GREB1: variants seen among roughly 807,000 people sequenced by gnomAD.
GREB1 encodes the protein growth regulating estrogen receptor binding 1, also known as protein GREB1.
GREB1 carries 106 observed loss-of-function variants against 200.7 expected under a neutral mutation model. That is an observed-to-expected ratio of 0.53 (90% CI 0.45 to 0.62). The LOEUF is 0.62. Ranked by LOEUF, GREB1 falls within the 20% of genes least tolerant of loss-of-function variation. The probability of loss-of-function intolerance (pLI) is 0.00; values close to 1 mark genes in which losing one functional copy is unlikely to be tolerated. For missense variants in GREB1, 2,243 were observed against 2,556.8 expected (o/e 0.88, Z 2.65); for synonymous variants, 1,132 against 1,092.4 (o/e 1.04, Z -0.72).
chr2:11,614,787 T>G, intron 19 of GREB1, among the ~76,000 whole-genome samples: 1 of 152,124 alleles, frequency 6.6e-6, no homozygotes, highest in African/African-American at 2.4e-5. Context: ...ATGGTCTCGA[T>G]CTCCTGACCT....
At chr2:11,603,318 G>A (rs1292864217) in intron 17 of GREB1, among the ~76,000 whole-genome samples, 5 of 152,190 alleles carry the variant, frequency 3.3e-5, no homozygotes, top group South Asian at 2.1e-4. Flanking sequence ...GTTTCTACCC[G>A]CTTTTCTTAC....
intron 32 of GREB1, among the ~76,000 whole-genome samples, chr2:11,639,041 T>G (rs1419064968): frequency 6.6e-6 from 1 of 152,186 alleles, no homozygotes; most frequent in Non-Finnish European, 1.5e-5. Context: ...CATCCCCCTT[T>G]CTTTTAGATG....
Position 11,595,300 on chromosome 2 carries a change from G to A in GREB1, c.1746G>A (p.Glu582=), listed in dbSNP as rs760882945. 1 of 1,613,890 alleles carries A rather than the reference G, an allele frequency of 6.2e-7. No individual in the cohort carries two copies. The highest frequency in any genetic ancestry group is 8.5e-7 in the Non-Finnish European group (1 of 1,179,748). Residue 582 remains glutamate (E), a synonymous_variant, in exon 12 of 33, where the codon GAG becomes GAA. Transcript: ENST00000381486. ...CCGAGAGCCTTCTCACTCCTGCGGA[G>A]TACCAGAAGGAAGTCAATTACGAGC... ...ILSESLLTPA[E]YQKEVNYELV... is the part of the protein sequence containing the mutation.
chr2:11,574,212 G>A (rs751950416), intron 4 of GREB1, among the ~76,000 whole-genome samples: 27 of 152,194 alleles, frequency 1.8e-4, no homozygotes, highest in Admixed American at 9.8e-4. Context: ...TGCCTGCCAC[G>A]TGTTGGGTAT....
intron 4 of GREB1, among the ~76,000 whole-genome samples, chr2:11,572,726 T>C (rs1678439165): frequency 1.3e-5 from 2 of 151,568 alleles, no homozygotes; most frequent in African/African-American, 4.8e-5. Flanking sequence ...GCTTGCAGAG[T>C]GCCCCTGACA....
intron 26 of GREB1, among the ~76,000 whole-genome samples, chr2:11,631,144 T>C (rs920236692): frequency 6.6e-6 from 1 of 152,212 alleles, no homozygotes; most frequent in African/African-American, 2.4e-5. Context: ...GAGCTGGCCA[T>C]GAGCACCAGC....
chr2:11,543,049 T>C (rs1419205361), intron 1 of GREB1, among the ~76,000 whole-genome samples: 1 of 152,146 alleles, frequency 6.6e-6, no homozygotes, highest in Non-Finnish European at 1.5e-5. Flanking sequence ...TACTGTCTCT[T>C]TTTAGGGGTT....
chr2:11,630,224 A>T, intron 26 of GREB1, 115 bp downstream of exon 26: 2 of 991,534 alleles, frequency 2.0e-6, no homozygotes, highest in Non-Finnish European at 3.0e-6. Flanking sequence ...CAGGGACTGA[A>T]CTTGGAGGAG....
chr2:11,538,925 TCGTGTCC>T lies in GREB1; in HGVS notation c.-162+4673_-162+4679del, dbSNP rs1295420295. Among the ~76,000 whole-genome samples, 4 of 16,566 alleles carry T rather than the reference TCGTGTCC, an allele frequency of 2.4e-4. 1 individual carries two copies. Among genetic ancestry groups the T allele is most frequent in the African/African-American group, 9.3e-4 (4 of 4,314 alleles). 10.9% of individuals were successfully genotyped at this position (16,566 alleles called of 152,430 possible). ...TTCCTTCCTTCCCCCTCCCCTCCCC[TCGTGTCC>T]CCTCCCCTCCCCTCGTGTCCCCTCC... is the stretch of plus-strand genomic sequence containing the variant. On this transcript the variant is annotated intron_variant, in intron 1 of 32. Transcript: ENST00000381486.
In GREB1 at chr2:11,633,290, C is replaced by T. The variant is rs1169644090; in HGVS notation, c.4991+227C>T. On this transcript the variant is annotated intron_variant, in intron 28 of 32. Coordinates refer to ENST00000381486, the MANE Select transcript of GREB1 (RefSeq NM_014668.4). The surrounding 1 kb of genome is among the most constrained non-coding windows in gnomAD (Gnocchi z 4.1). ...TAAAAAATTGTTATTGGGCCGGGCG[C>T]GGTGGCTCATGCCTGTAATCCCAGC... Among the ~76,000 whole-genome samples the T allele has an allele frequency of 6.6e-6, 1 of 152,070 alleles. No homozygotes were observed. The highest frequency in any genetic ancestry group is 2.1e-4 in the South Asian group (1 of 4,820).
chr2:11,513,063 G>A (rs1673395260), intron 1 of GREB1, among the ~76,000 whole-genome samples: 1 of 152,194 alleles, frequency 6.6e-6, no homozygotes, highest in African/African-American at 2.4e-5. Context: ...TGGAGCTGAA[G>A]CGCAAAGCTT....
chr2:11,592,552 A>C (rs951825772), intron 10 of GREB1, among the ~76,000 whole-genome samples: 2 of 150,548 alleles, frequency 1.3e-5, no homozygotes, highest in African/African-American at 5.0e-5. Flanking sequence ...TTAAAAAAAA[A>C]CTTTCATATG....
At chr2:11,593,605 G>A (rs1165051714) in intron 11 of GREB1, among the ~76,000 whole-genome samples, 2 of 152,062 alleles carry the variant, frequency 1.3e-5, no homozygotes, top group African/African-American at 4.8e-5. Flanking sequence ...TCCCACCTCA[G>A]CCTCCCAAGT....
chr2:11,576,222 A>T, intron 4 of GREB1, 131 bp from the exon 5 acceptor site: 1 of 699,216 alleles, frequency 1.4e-6, no homozygotes, highest in Non-Finnish European at 2.5e-6. Context: ...CAGGAGAATC[A>T]CTTGAACCTG....
intron 3 of GREB1, among the ~76,000 whole-genome samples, chr2:11,566,175 C>T (rs1055555843): frequency 2.0e-5 from 3 of 151,998 alleles, no homozygotes; most frequent in African/African-American, 4.8e-5. Context: ...TGTGCCACTA[C>T]GCCTGGCTAA....
chr2:11,558,617 CTGGTGG>C (rs1259046481), intron 2 of GREB1, among the ~76,000 whole-genome samples: 11 of 152,282 alleles, frequency 7.2e-5, no homozygotes, highest in Non-Finnish European at 1.3e-4. Flanking sequence ...GCTGATGGGG[CTGGTGG>C]GAAGAGACAG....
chr2:11,516,586 T>C (rs1484563243), intron 1 of GREB1, among the ~76,000 whole-genome samples: 1 of 152,194 alleles, frequency 6.6e-6, no homozygotes, highest in African/African-American at 2.4e-5. Flanking sequence ...CAGCTGTAGT[T>C]GACGTAGGAG....
intron 4 of GREB1, among the ~76,000 whole-genome samples, chr2:11,573,706 G>C (rs1162253052): frequency 6.6e-6 from 1 of 152,214 alleles, no homozygotes; most frequent in Non-Finnish European, 1.5e-5. Context: ...CAGAAAAGCA[G>C]TTTGCTTGCT....
intron 22 of GREB1, among the ~76,000 whole-genome samples, chr2:11,620,054 G>A (rs112434638): frequency 0.011 from 1,640 of 152,250 alleles, 31 homozygotes; most frequent in African/African-American, 0.037. Context: ...TCAGCTCACC[G>A]CAGCCTCCGC....
Sources: allele counts gnomAD v4.1 joint callset (sites outside exome capture counted in the v4.1 genomes callset), GRCh38; gene constraint gnomAD v4.1.1; non-coding constraint Gnocchi (gnomAD v3.1); transcripts MANE v1.5; gene names NCBI Gene and HGNC (gene_info 2026-07-23, HGNC 2026-07-21).